Variants in NFATC2 observed in about 807,000 individuals in gnomAD.
NFATC2 encodes the protein nuclear factor of activated T-cells, cytoplasmic 2.
In NFATC2, 22 loss-of-function variants were observed where a neutral mutation model predicts 87.3. The ratio of observed to expected loss-of-function variants is 0.25; its 90% CI spans 0.18 to 0.36. NFATC2 has a LOEUF of 0.36. Ranked by LOEUF, NFATC2 falls within the 10% of genes least tolerant of loss-of-function variation. The pLI is 1.00. For synonymous variants in NFATC2, 565 were observed against 542.2 expected, an observed-to-expected ratio of 1.04 and a Z score of -0.58; for missense variants, 1,149 against 1,259.1, an observed-to-expected ratio of 0.91 and a Z score of 1.32.
At chr20:51,431,121 C>T (rs921097245) in intron 9 of NFATC2, among the ~76,000 whole-genome samples, 1 of 152,144 alleles carries the variant, frequency 6.6e-6, no homozygotes, top group Non-Finnish European at 1.5e-5. Context: ...TGCCTGTCTC[C>T]AAACATCTCA....
At chr20:51,505,028 T>TC (rs1568700013) in intron 3 of NFATC2, among the ~76,000 whole-genome samples, 14 of 121,688 alleles carry the variant, frequency 1.2e-4, no homozygotes, top group Non-Finnish European at 1.7e-4. Context: ...TTTTTTTTTT[T>TC]TTTGAGACGG....
At chr20:51,562,680 A>G (rs978500976), upstream of NFATC2, 4 of 1,509,104 alleles carry the variant, frequency 2.7e-6, no homozygotes, top group Non-Finnish European at 2.7e-6. The surrounding 1 kb of genome is among the most constrained non-coding windows in gnomAD (Gnocchi z 5.8). Flanking sequence ...ATCTGTTTGT[A>G]TCGACCAGCA....
intron 9 of NFATC2, among the ~76,000 whole-genome samples, chr20:51,413,171 C>T (rs1296210065): frequency 1.3e-5 from 2 of 151,848 alleles, no homozygotes; most frequent in Non-Finnish European, 2.9e-5. Context: ...TCGATTTTCT[C>T]ACCGGCCCAG....
At chr20:51,399,221 T>C (rs150814483) in intron 9 of NFATC2, 1,833 of 153,614 alleles carry the variant, frequency 0.012, 36 homozygotes, top group African/African-American at 0.042. Flanking sequence ...AAACTGCACA[T>C]TTTCTTCCTG....
At chr20:51,470,017 C>T (rs1024508990) in intron 5 of NFATC2, among the ~76,000 whole-genome samples, 26 of 152,322 alleles carry the variant, frequency 1.7e-4, no homozygotes, top group African/African-American at 6.3e-4. Context: ...GCTGACAACA[C>T]CGAGGAGGCT....
At chr20:51,419,789 C>T (rs77668990) in intron 9 of NFATC2, among the ~76,000 whole-genome samples, 3,634 of 152,202 alleles carry the variant, frequency 0.024, 151 homozygotes, top group African/African-American at 0.083. Context: ...TCATGATTTC[C>T]CCTTCTCACG....
chr20:51,426,684 A>G (rs1981881925), intron 9 of NFATC2, among the ~76,000 whole-genome samples: 1 of 152,154 alleles, frequency 6.6e-6, no homozygotes, highest in Admixed American at 6.5e-5. Flanking sequence ...TCAAGACACA[A>G]AAGAGTCATG....
intron 10 of NFATC2, among the ~76,000 whole-genome samples, chr20:51,396,321 T>TGCAGCAG (rs1987136433): frequency 6.6e-6 from 1 of 152,076 alleles, no homozygotes; most frequent in South Asian, 2.1e-4. Context: ...AACTTCAGTT[T>TGCAGCAG]GCAGCAGGAT....
intron 9 of NFATC2, among the ~76,000 whole-genome samples, chr20:51,401,009 G>T (rs1284774015): frequency 1.3e-5 from 2 of 152,156 alleles, no homozygotes; most frequent in Admixed American, 6.5e-5. Flanking sequence ...CAGTGCCTCT[G>T]CCTCAGTCTC....
chr20:51,427,443 CCG>C (rs1246439863), intron 9 of NFATC2, among the ~76,000 whole-genome samples: 1 of 152,176 alleles, frequency 6.6e-6, no homozygotes. Context: ...TTTTAAGTAA[CCG>C]CGCTCATGAC....
intron 6 of NFATC2, among the ~76,000 whole-genome samples, chr20:51,442,605 C>T (rs1984501507): frequency 6.6e-6 from 1 of 152,054 alleles, no homozygotes. Flanking sequence ...GGCCTGAATG[C>T]GTGAGGTGAG....
chr20:51,508,403 G>T (rs1309942778), intron 3 of NFATC2, among the ~76,000 whole-genome samples: 1 of 152,154 alleles, frequency 6.6e-6, no homozygotes, highest in Non-Finnish European at 1.5e-5. Context: ...CCGGGGACAC[G>T]TGCGGCGGGG....
At chr20:51,453,483 T>C (rs1371288828) in intron 6 of NFATC2, among the ~76,000 whole-genome samples, 1 of 152,230 alleles carries the variant, frequency 6.6e-6, no homozygotes, top group East Asian at 1.9e-4. Context: ...TCATGTCTGT[T>C]AAGGAAAAGG....
chr20:51,452,267 CCCTTCCCAAGTCT>C lies in NFATC2; in HGVS notation c.1849+2268_1849+2280del, dbSNP rs972036607. ...ACCTTCATAGCACTGCCTCTGCTGA[CCCTTCCCAAGTCT>C]CCTTCCCCTGGTCTCCAGGGCACCA... On this transcript the variant is annotated intron_variant, in intron 6 of 10. Transcript: ENST00000371564. 3.8e-3 allele frequency among the ~76,000 whole-genome samples: 574 copies of C among 152,272 alleles called. 5 individuals are homozygous for C. The highest frequency in any genetic ancestry group is 0.013 in the African/African-American group (542 of 41,548).
At position 51,469,889 on chromosome 20, in the gene NFATC2, A is replaced by G. The variant is rs76291205; in HGVS notation, c.1708+4091T>C. 9.7e-3 allele frequency among the ~76,000 whole-genome samples: 1,471 copies of G among 152,302 alleles called. 50 individuals carry two copies. In the East Asian group the frequency reaches 0.13, roughly 14 times the overall value. On this transcript the variant is annotated intron_variant, in intron 5 of 10. Coordinates refer to ENST00000371564, the MANE Select transcript of NFATC2 (RefSeq NM_012340.5). ...TTCTGGCCTCCAGAACAGTGAGAGA[A>G]CACATTTCTGTTGTTTCAAGCCACC...
chr20:51,469,338 C>G (rs6091327), intron 5 of NFATC2, among the ~76,000 whole-genome samples: 18,521 of 152,156 alleles, frequency 0.12, 1,337 homozygotes, highest in African/African-American at 0.2. Flanking sequence ...TTTTTTAATA[C>G]AACTCCCGGG....
intron 1 of NFATC2, among the ~76,000 whole-genome samples, chr20:51,548,735 T>A (rs1360297578): frequency 6.6e-6 from 1 of 152,148 alleles, no homozygotes; most frequent in African/African-American, 2.4e-5. Context: ...AAAAAGCAGC[T>A]GAAGGAAAGA....
At chr20:51,427,687 T>C (rs1982050284) in intron 9 of NFATC2, among the ~76,000 whole-genome samples, 1 of 152,178 alleles carries the variant, frequency 6.6e-6, no homozygotes, top group Non-Finnish European at 1.5e-5. Context: ...CTCCGCCACC[T>C]GCGTTCCCTC....
Position 51,523,779 on chromosome 20 carries a change from G to C in NFATC2, c.462C>G (p.Pro154=), listed in dbSNP as rs776295697. 4 of 1,609,102 alleles carry C rather than the reference G, an allele frequency of 2.5e-6. No individual in the cohort carries two copies. The highest frequency in any genetic ancestry group is 1.1e-5 in the South Asian group (1 of 90,834). ...CGCGGTAGCCCTCGAAGCCGGGCACGGGCAGGGTGAACCTCGGGCTGGCGG... is the reference window on the plus strand; with the variant it reads ...CGCGGTAGCCCTCGAAGCCGGGCACCGGCAGGGTGAACCTCGGGCTGGCGG... ...GVAASPRFTL[P]VPGFEGYREP... Residue 154 remains proline (P), a synonymous_variant, in exon 2 of 11, where the codon CCC becomes CCG. Coordinates refer to ENST00000371564, the MANE Select transcript of NFATC2 (RefSeq NM_012340.5). The surrounding 1 kb of genome is among the most constrained non-coding windows in gnomAD (Gnocchi z 6.9).
Sources: allele counts gnomAD v4.1 joint callset (sites outside exome capture counted in the v4.1 genomes callset), GRCh38; gene constraint gnomAD v4.1.1; non-coding constraint Gnocchi (gnomAD v3.1); transcripts MANE v1.5; gene names NCBI Gene and HGNC (gene_info 2026-07-23, HGNC 2026-07-21).